The following UNC13C variants were observed in gnomAD, a reference collection of about 807,000 sequenced individuals.
UNC13C encodes unc-13 homolog C, also known as protein unc-13 homolog C.
In UNC13C, 174 loss-of-function variants were observed where a neutral mutation model predicts 245.4. The ratio of observed to expected loss-of-function variants is 0.71; its 90% CI spans 0.63 to 0.80. The LOEUF is 0.80. Among genes scored for constraint, UNC13C ranks in the 30% least tolerant of loss-of-function variants. The pLI, the probability that UNC13C is intolerant of heterozygous loss-of-function variation, is 0.00. For missense variants in UNC13C, 2,829 were observed against 2,602.9 expected (o/e 1.09, Z -1.89); for synonymous variants, 992 against 895.1 (o/e 1.11, Z -1.93).
At chr15:53,842,986 A>G in the UNC13C span, among the ~76,000 whole-genome samples, 1 of 151,290 alleles carries the variant, frequency 6.6e-6, no homozygotes, top group Non-Finnish European at 1.5e-5. Flanking sequence ...GAACAGAGAA[A>G]TTTTGCTAAA....
chr15:54,120,781 G>C (rs1238350494), intron 2 of UNC13C, among the ~76,000 whole-genome samples: 1 of 151,982 alleles, frequency 6.6e-6, no homozygotes, highest in Non-Finnish European at 1.5e-5. Context: ...CAACCCTCAT[G>C]GATGACTTTG....
chr15:54,548,295 C>A (rs1478019829), intron 27 of UNC13C, among the ~76,000 whole-genome samples: 1 of 139,488 alleles, frequency 7.2e-6, no homozygotes, highest in East Asian at 2.4e-4. Flanking sequence ...GATCTCGGCT[C>A]ACTGCAAGCT....
chr15:54,280,667 TACATATAC>T (rs1567156576), intron 10 of UNC13C, among the ~76,000 whole-genome samples: 3 of 142,586 alleles, frequency 2.1e-5, no homozygotes, highest in African/African-American at 7.7e-5. Flanking sequence ...TGTATATACA[TACATATAC>T]ATATATACAT....
rs1901200849 is a variant in UNC13C, at chr15:54,626,932, A to G, written c.6464A>G (p.Gln2155Arg). 3 of 1,613,492 alleles carry G rather than the reference A, an allele frequency of 1.9e-6. No individual in the cohort carries two copies. The highest frequency in any genetic ancestry group is 2.5e-6 in the Non-Finnish European group (3 of 1,179,606). The part of the protein sequence containing the change: ...EDRIIGMTVI[Q>R]LQNIAEKGSY... ...CGAATTATCGGAATGACAGTCATTC[A>G]GCTACAGAACATAGCAGAAAAGGGA... The change falls in exon 33 of 33, where the codon CAG (glutamine) becomes CGG (arginine). Residue 2155 changes from glutamine (Q) to arginine (R), a missense_variant. By Grantham distance (43) the Gln-to-Arg change is conservative. Transcript: ENST00000260323.
At chr15:53,890,649 C>T in the UNC13C span, among the ~76,000 whole-genome samples, 9 of 152,248 alleles carry the variant, frequency 5.9e-5, no homozygotes, top group South Asian at 2.1e-4. Context: ...AGTTTATTTG[C>T]GTAGAGGTGT....
At chr15:54,481,069 T>C (rs1171893024) in intron 19 of UNC13C, among the ~76,000 whole-genome samples, 4 of 152,208 alleles carry the variant, frequency 2.6e-5, no homozygotes, top group Non-Finnish European at 5.9e-5. Context: ...GTTTTGTTTC[T>C]GGCAGGGCAT....
At chr15:54,275,686 G>T (rs1334343877) in intron 10 of UNC13C, among the ~76,000 whole-genome samples, 1 of 152,076 alleles carries the variant, frequency 6.6e-6, no homozygotes, top group East Asian at 1.9e-4. Flanking sequence ...AAGTGTTGGT[G>T]AGAATTCTCA....
chr15:54,247,248 C>G (rs545946835), intron 7 of UNC13C, among the ~76,000 whole-genome samples: 4 of 152,090 alleles, frequency 2.6e-5, no homozygotes, highest in Non-Finnish European at 5.9e-5. Flanking sequence ...GGGGTTTCCC[C>G]TTATTTTCCC....
At chr15:54,114,968 A>C (rs2030125192) in intron 2 of UNC13C, among the ~76,000 whole-genome samples, 1 of 152,060 alleles carries the variant, frequency 6.6e-6, no homozygotes, top group Non-Finnish European at 1.5e-5. Flanking sequence ...TCAGATTTCC[A>C]CTTAATGAAT....
At chr15:53,881,484 C>T in the UNC13C span, among the ~76,000 whole-genome samples, 1 of 152,166 alleles carries the variant, frequency 6.6e-6, no homozygotes, top group Non-Finnish European at 1.5e-5. Flanking sequence ...CACTTTCAGC[C>T]ACTTTAAGTC....
chr15:53,913,744 A>C, the UNC13C span: 5 of 152,220 alleles, frequency 3.3e-5, no homozygotes, highest in Non-Finnish European at 7.3e-5. Context: ...AAGTAAGGCC[A>C]TGGGGCCTGA....
rs373206480 is a variant in UNC13C at position 54,126,087 on chromosome 15, G to A, written c.2984-16931G>A. Reference sequence around the variant, plus strand: ...AAAATACAGAAATGAAAATCAGGGAGAACAAACAGATGACAAAAAATAAAA... The same window carrying A: ...AAAATACAGAAATGAAAATCAGGGAAAACAAACAGATGACAAAAAATAAAA... On this transcript the variant is annotated intron_variant, in intron 2 of 32. Transcript: ENST00000260323. Among the ~76,000 whole-genome samples the A allele has an allele frequency of 4.6e-5, 7 of 152,178 alleles. No homozygotes were observed. In the East Asian group the frequency reaches 9.7e-4, roughly 21 times the overall value.
At chr15:53,953,269 C>A in the UNC13C span, among the ~76,000 whole-genome samples, 1 of 152,130 alleles carries the variant, frequency 6.6e-6, no homozygotes, top group Non-Finnish European at 1.5e-5. Flanking sequence ...CTCTTGAATC[C>A]TGAGGGAAAT....
At chr15:54,423,321 A>G (rs998119819) in intron 19 of UNC13C, among the ~76,000 whole-genome samples, 2 of 151,812 alleles carry the variant, frequency 1.3e-5, no homozygotes, top group African/African-American at 4.8e-5. Context: ...TAATAATTGA[A>G]TATTTTGAAA....
chr15:54,272,092 A>C (rs1045852845), intron 10 of UNC13C, among the ~76,000 whole-genome samples: 1 of 152,224 alleles, frequency 6.6e-6, no homozygotes, highest in Admixed American at 6.5e-5. Context: ...ACCTCTTTGA[A>C]TCTCAGTTTC....
At chr15:53,895,632 G>C in the UNC13C span, among the ~76,000 whole-genome samples, 1 of 152,238 alleles carries the variant, frequency 6.6e-6, no homozygotes, top group East Asian at 1.9e-4. Context: ...TTCTCCAGCT[G>C]TCTGTGAGAT....
the UNC13C span, among the ~76,000 whole-genome samples, chr15:53,862,070 T>C: frequency 6.6e-6 from 1 of 152,138 alleles, no homozygotes; most frequent in African/African-American, 2.4e-5. Flanking sequence ...AACAGAAATT[T>C]ATTTTTCACA....
intron 1 of UNC13C, among the ~76,000 whole-genome samples, chr15:54,003,728 A>G (rs985496835): frequency 3.3e-5 from 5 of 152,274 alleles, no homozygotes; most frequent in Admixed American, 6.5e-5. Context: ...CTTGCTGACT[A>G]TAGGCCGGGC....
chr15:54,063,126 A>G (rs1897920070), intron 2 of UNC13C, among the ~76,000 whole-genome samples: 1 of 152,216 alleles, frequency 6.6e-6, no homozygotes, highest in Non-Finnish European at 1.5e-5. Context: ...TCTCCTCCAC[A>G]TTGACTGAAA....
Sources: gnomAD v4.1 joint callset for allele counts (sites outside exome capture counted in the v4.1 genomes callset) on GRCh38, gnomAD v4.1.1 for gene constraint, MANE v1.5 for transcripts, NCBI Gene and HGNC (gene_info 2026-07-23, HGNC 2026-07-21) for gene names.